Variants in PLCB4 observed in about 807,000 individuals in gnomAD.
PLCB4 encodes the protein phospholipase C beta 4, also known as 1-phosphatidylinositol 4,5-bisphosphate phosphodiesterase beta-4.
In PLCB4, 77 loss-of-function variants were observed where a neutral mutation model predicts 178.8. The observed-to-expected ratio is 0.43, with a 90% CI of 0.36 to 0.52. The LOEUF is 0.52. PLCB4 is among the 20% of genes least tolerant of loss of function. The probability of loss-of-function intolerance (pLI) is 0.00; values close to 1 mark genes in which losing one functional copy is unlikely to be tolerated. For synonymous variants in PLCB4, 496 were observed against 490.8 expected, an observed-to-expected ratio of 1.01 and a Z score of -0.14; for missense variants, 1,024 against 1,453.4, an observed-to-expected ratio of 0.70 and a Z score of 4.80.
At chr20:9,114,459 A>C (rs1455751539) in intron 2 of PLCB4, among the ~76,000 whole-genome samples, 2 of 152,158 alleles carry the variant, frequency 1.3e-5, no homozygotes, top group Non-Finnish European at 2.9e-5. Flanking sequence ...ATGAGTATGA[A>C]TATTGAGTGT....
intron 32 of PLCB4, 75 bp downstream of exon 32, chr20:9,444,318 C>T (rs1474800133): frequency 2.4e-6 from 2 of 847,914 alleles, no homozygotes; most frequent in Non-Finnish European, 2.0e-6. Context: ...TACTTTGAAG[C>T]TGATACCAGA....
chr20:9,352,239 A>G (rs2034412867), intron 7 of PLCB4, among the ~76,000 whole-genome samples: 1 of 152,252 alleles, frequency 6.6e-6, no homozygotes, highest in South Asian at 2.1e-4. Flanking sequence ...CATGTGTTGT[A>G]TATCTAAATC....
chr20:9,395,670 A>C, intron 19 of PLCB4, 52 bp downstream of exon 19: 1 of 1,337,154 alleles, frequency 7.5e-7, no homozygotes, highest in Non-Finnish European at 1.1e-6. Context: ...TACTTTTTAA[A>C]TAAGAAAACC....
chr20:9,248,637 G>GGAT (rs953504158), intron 3 of PLCB4, among the ~76,000 whole-genome samples: 32 of 152,260 alleles, frequency 2.1e-4, no homozygotes, highest in Middle Eastern at 3.4e-3. Flanking sequence ...GTTTCATTGA[G>GGAT]TGGAAAATTT....
At chr20:9,147,518 T>G (rs76002262) in intron 2 of PLCB4, among the ~76,000 whole-genome samples, 4,160 of 152,220 alleles carry the variant, frequency 0.027, 157 homozygotes, top group African/African-American at 0.088. Flanking sequence ...GTGTCTGTGC[T>G]CAGCTATGGG....
chr20:9,099,674 G>A (rs191877470), intron 2 of PLCB4, among the ~76,000 whole-genome samples: 1 of 152,028 alleles, frequency 6.6e-6, no homozygotes, highest in African/African-American at 2.4e-5. Context: ...GCTATTCCTA[G>A]GGGCTTTGCC....
At chr20:9,388,993 A>G (rs982557266) in intron 15 of PLCB4, among the ~76,000 whole-genome samples, 1 of 152,158 alleles carries the variant, frequency 6.6e-6, no homozygotes, top group African/African-American at 2.4e-5. Flanking sequence ...CTATTGTGAA[A>G]TATTTTTCTG....
intron 19 of PLCB4, among the ~76,000 whole-genome samples, chr20:9,401,274 A>G (rs2039003672): frequency 6.6e-6 from 1 of 152,246 alleles, no homozygotes; most frequent in Non-Finnish European, 1.5e-5. Flanking sequence ...TAGGAGCAGG[A>G]GAAATAATAC....
rs116612843 is a variant in PLCB4, at chr20:9,213,926, T to C, written c.-78-3464T>C. ...ATGGTTAAGTATCTTTTCATGGTTG[T>C]ATATCTTTTTTGGGAAATGTCTATT... On this transcript the variant is annotated intron_variant, in intron 2 of 39. Coordinates refer to ENST00000378473, the MANE Select transcript of PLCB4 (RefSeq NM_001377142.1). Among the ~76,000 whole-genome samples the C allele has an allele frequency of 4.4e-3, 676 of 152,312 alleles. 7 individuals are homozygous for C. Among genetic ancestry groups the C allele is most frequent in the African/African-American group, 0.016 (647 of 41,560 alleles).
chr20:9,365,001 C>T (rs1053238683), intron 8 of PLCB4, among the ~76,000 whole-genome samples: 10 of 152,200 alleles, frequency 6.6e-5, no homozygotes, highest in South Asian at 4.1e-4. Flanking sequence ...CTGCTGTCAC[C>T]GTGCAGTTGC....
chr20:9,444,040 C>A lies in PLCB4; in HGVS notation c.2814+10C>A. 4 of 1,592,032 alleles carry A rather than the reference C, an allele frequency of 2.5e-6. No individual in the cohort carries two copies. Among genetic ancestry groups the A allele is most frequent in the South Asian group, 2.2e-5 (2 of 89,242 alleles). The stretch of plus-strand genomic sequence containing the variant: ...CTTAAAGCAGATGAAGGTAAAATTG[C>A]TTGACTATTTTGCAAGCACTCTTGT... On this transcript the variant is annotated intron_variant, in intron 31 of 39. Coordinates refer to ENST00000378473, the MANE Select transcript of PLCB4 (RefSeq NM_001377142.1).
At position 9,088,164 on chromosome 20, in the gene PLCB4, T is replaced by C. The variant is rs137922176; in HGVS notation, c.-134-8123T>C. On this transcript the variant is annotated intron_variant, in intron 1 of 39. Transcript: ENST00000378473. ...GCAGATAGCCTCAATTTATTATGGC[T>C]TTTCTTTTCTTTTCTTTTTTTTTTT... Among the ~76,000 whole-genome samples, 422 of 120,956 alleles carry C rather than the reference T, an allele frequency of 3.5e-3. 2 individuals are homozygous for C. The highest frequency in any genetic ancestry group is 0.014 in the African/African-American group (410 of 29,238). The allele number at this position is 120,956 out of a possible 152,430, so 79.4% of individuals were successfully genotyped here.
chr20:9,149,675 C>G (rs2092658311), intron 2 of PLCB4, among the ~76,000 whole-genome samples: 1 of 152,150 alleles, frequency 6.6e-6, no homozygotes, highest in Non-Finnish European at 1.5e-5. Flanking sequence ...CTATGCTACT[C>G]ATTGGCTATG....
Position 9,242,721 on chromosome 20 carries a change from A to C in PLCB4, c.-16+25269A>C, listed in dbSNP as rs545513315. 2.0e-5 allele frequency among the ~76,000 whole-genome samples: 3 copies of C among 152,282 alleles called. No homozygotes were observed. The South Asian group carries it at 6.2e-4, about 32-fold the overall frequency. On this transcript the variant is annotated intron_variant, in intron 3 of 39. Transcript: ENST00000378473. ...TTACCCTAAATCAGGGAATTAGAGT[A>C]GTGGTTTTCAAAGTGTGGACCCTGG...
At chr20:9,231,670 C>A (rs2093934492) in intron 3 of PLCB4, among the ~76,000 whole-genome samples, 1 of 152,086 alleles carries the variant, frequency 6.6e-6, no homozygotes, top group Non-Finnish European at 1.5e-5. Context: ...CTGAAAATTT[C>A]AGTATTAAAG....
intron 1 of PLCB4, among the ~76,000 whole-genome samples, chr20:9,074,313 T>C (rs1252216078): frequency 6.6e-6 from 1 of 152,180 alleles, no homozygotes; most frequent in African/African-American, 2.4e-5. Flanking sequence ...TCTTTGGGTG[T>C]GCCCAGGTTT....
chr20:9,076,340 G>A (rs1029863517), intron 1 of PLCB4, among the ~76,000 whole-genome samples: 2 of 152,038 alleles, frequency 1.3e-5, no homozygotes, highest in African/African-American at 4.8e-5. Flanking sequence ...GGTGGCAGGC[G>A]CCTGTAATTC....
chr20:9,239,512 T>G (rs991513438), intron 3 of PLCB4, among the ~76,000 whole-genome samples: 2 of 152,132 alleles, frequency 1.3e-5, no homozygotes, highest in Non-Finnish European at 2.9e-5. Context: ...ACAGGAGTCT[T>G]TGGAAATGAA....
At chr20:9,228,538 TA>T (rs2093894273) in intron 3 of PLCB4, among the ~76,000 whole-genome samples, 1 of 152,080 alleles carries the variant, frequency 6.6e-6, no homozygotes, top group South Asian at 2.1e-4. Flanking sequence ...TCCTGGGGGT[TA>T]GGGGGTGGAT....
Sources: gnomAD v4.1 joint callset for allele counts (sites outside exome capture counted in the v4.1 genomes callset) on GRCh38, gnomAD v4.1.1 for gene constraint, MANE v1.5 for transcripts, NCBI Gene and HGNC (gene_info 2026-07-23, HGNC 2026-07-21) for gene names.